CCDC80: variants seen among roughly 807,000 people sequenced by gnomAD.
The protein encoded by CCDC80 is coiled-coil domain-containing protein 80.
In CCDC80, 49 loss-of-function variants were observed where a neutral mutation model predicts 78.7. The observed-to-expected ratio is 0.62, with a 90% CI of 0.50 to 0.79. CCDC80 has a LOEUF of 0.79. Among genes scored for constraint, CCDC80 ranks in the 30% least tolerant of loss-of-function variants. The pLI is 0.00. For missense variants in CCDC80, 1,205 were observed against 1,198.6 expected (o/e 1.01, Z -0.08); for synonymous variants, 488 against 447.0 (o/e 1.09, Z -1.16).
chr3:112,636,502 C>T (rs186992474), intron 2 of CCDC80, among the ~76,000 whole-genome samples: 5 of 152,302 alleles, frequency 3.3e-5, no homozygotes, highest in Admixed American at 3.3e-4. Context: ...TCAATGTAAA[C>T]AGCTAAGAAA....
Position 112,599,917 on chromosome 3 carries a change from T to C in CCDC80, c.*5500A>G, listed in dbSNP as rs2107463568. 1 of 152,344 alleles carries C rather than the reference T, an allele frequency of 6.6e-6. No homozygotes were observed. The highest frequency in any genetic ancestry group is 2.4e-5 in the African/African-American group (1 of 41,586). 9.4% of individuals were successfully genotyped at this position (152,344 alleles called of 1,614,324 possible). The stretch of plus-strand genomic sequence containing the variant: ...GGCAAAGCTATGTCCTCAAGAGTCT[T>C]CCAGATTTCCCCAACTCTACAGAAT... On this transcript the variant is annotated 3_prime_UTR_variant, in exon 8 of 8. Coordinates refer to ENST00000206423, the MANE Select transcript of CCDC80 (RefSeq NM_199511.3).
chr3:112,608,419 C>G (rs965220288), intron 6 of CCDC80, among the ~76,000 whole-genome samples: 2 of 151,976 alleles, frequency 1.3e-5, no homozygotes, highest in African/African-American at 4.8e-5. Context: ...ATTGGTTAGT[C>G]ATGTTTTCAA....
chr3:112,617,738 A>T (rs539571732), intron 4 of CCDC80, among the ~76,000 whole-genome samples: 1 of 152,274 alleles, frequency 6.6e-6, no homozygotes, highest in Non-Finnish European at 1.5e-5. Flanking sequence ...CAAGCATGGT[A>T]TATGAATGAC....
intron 5 of CCDC80, 80 bp from the exon 6 acceptor site, chr3:112,610,161 G>A (rs1401637897): frequency 2.4e-6 from 3 of 1,243,394 alleles, no homozygotes; most frequent in Non-Finnish European, 3.5e-6. Context: ...GAGTGACTTA[G>A]GCTAGCAATT....
At chr3:112,624,432 G>A (rs1048935869) in intron 3 of CCDC80, among the ~76,000 whole-genome samples, 1 of 152,184 alleles carries the variant, frequency 6.6e-6, no homozygotes, top group Non-Finnish European at 1.5e-5. Flanking sequence ...GTGCTGAGCA[G>A]TCCATGGCAG....
chr3:112,639,007 C>T lies in CCDC80; in HGVS notation c.899G>A (p.Gly300Glu), dbSNP rs759686402. 3 of 1,611,200 alleles carry T rather than the reference C, an allele frequency of 1.9e-6. No homozygotes were observed. The highest frequency in any genetic ancestry group is 4.5e-5 in the East Asian group (2 of 44,868). The change falls in exon 2 of 8, where the codon GGA becomes GAA. Residue 300 changes from glycine to glutamate, a missense_variant. Physicochemically the swap from Gly to Glu is moderately conservative, Grantham distance 98. Coordinates refer to ENST00000206423, the MANE Select transcript of CCDC80 (RefSeq NM_199511.3). ...GCTGCCCAGGCTTGGCCTTCCTGCT[C>T]CCCCTCCACCGTCATTCCCCTCCGC... is the stretch of plus-strand genomic sequence containing the variant. ...VVAEGNDGGG[G>E]AGRPSLGSEK...
At chr3:112,629,040 A>C (rs1305300975) in intron 3 of CCDC80, among the ~76,000 whole-genome samples, 3 of 152,202 alleles carry the variant, frequency 2.0e-5, no homozygotes, top group Admixed American at 6.5e-5. Flanking sequence ...ACCATATTCA[A>C]ATCAAGTTGA....
intron 2 of CCDC80, among the ~76,000 whole-genome samples, chr3:112,635,043 G>GA: frequency 6.6e-6 from 1 of 152,298 alleles, no homozygotes; most frequent in East Asian, 1.9e-4. Context: ...CAGGAGGTTT[G>GA]AAAGAGTGAA....
chr3:112,636,265 C>G (rs75772085), intron 2 of CCDC80, among the ~76,000 whole-genome samples: 1 of 152,164 alleles, frequency 6.6e-6, no homozygotes, highest in Non-Finnish European at 1.5e-5. Flanking sequence ...GAGTTTTACT[C>G]TGAAATCTGA....
At chr3:112,615,092 T>C (rs540359390) in intron 5 of CCDC80, among the ~76,000 whole-genome samples, 65 of 152,294 alleles carry the variant, frequency 4.3e-4, no homozygotes, top group African/African-American at 1.5e-3. Flanking sequence ...GGGTGAGAGA[T>C]TTTTGAGGCA....
rs1029154914 is a variant in CCDC80 at position 112,598,075 on chromosome 3, C to T, written c.*7342G>A. 1.3e-5 allele frequency: 2 copies of T among 152,184 alleles called. No homozygotes were observed. Among genetic ancestry groups the T allele is most frequent in the Non-Finnish European group, 2.9e-5 (2 of 68,032 alleles). The allele number at this position is 152,184 out of a possible 1,614,324, so 9.4% of individuals were successfully genotyped here. A position where few individuals can be genotyped will look rare whatever the true frequency, so the allele number is the denominator to read the frequency against. On this transcript the variant is annotated 3_prime_UTR_variant, in exon 8 of 8. Transcript: ENST00000206423. ...CTTTCTTTGCACATATCAAGGCTTT[C>T]GACTATTCCCAACCAGGTCTTCCCA...
rs1936160142 is a variant in CCDC80 at position 112,634,148 on chromosome 3, T to TC, written c.1878+3879_1879-3879insG. Among the ~76,000 whole-genome samples the TC allele has an allele frequency of 2.0e-5, 3 of 151,990 alleles. No individual in the cohort carries two copies. The South Asian group carries it at 6.3e-4, about 32-fold the overall frequency. On this transcript the variant is annotated intron_variant, in intron 2 of 7. Transcript: ENST00000206423. ...AGGCTCAAAATGCTAGATTTTTTTT[T>TC]ACAGGATTCTGAAAAATAACTTTCA... is the stretch of plus-strand genomic sequence containing the variant.
rs762945574 is a variant in CCDC80 at position 112,638,842 on chromosome 3, G to A, written c.1064C>T (p.Pro355Leu). 1.2e-6 allele frequency: 2 copies of A among 1,613,822 alleles called. No homozygotes were observed. The highest frequency in any genetic ancestry group is 1.7e-6 in the Non-Finnish European group (2 of 1,180,020). The change falls in exon 2 of 8, where the codon CCT becomes CTT. Residue 355 changes from proline to leucine, a missense_variant. By Grantham distance (98) the Pro-to-Leu change is moderately conservative. Coordinates refer to ENST00000206423, the MANE Select transcript of CCDC80 (RefSeq NM_199511.3). ...CCGAGTCACTGTTGTGGCTGGGGCA[G>A]GAGGAAGGGTGGTGGCTCTGGGGGT... ...PSTPRATTLP[P>L]APATTVTRST...
In CCDC80 at chr3:112,599,612, A is replaced by G. The variant is rs761050314; in HGVS notation, c.*5805T>C. ...TTTCTACAATCTCCACACATTCAGTACTGAGACACATTAAGAAGGGCCCAC... is the reference window on the plus strand; with the variant it reads ...TTTCTACAATCTCCACACATTCAGTGCTGAGACACATTAAGAAGGGCCCAC... On this transcript the variant is annotated 3_prime_UTR_variant, in exon 8 of 8. Coordinates refer to ENST00000206423, the MANE Select transcript of CCDC80 (RefSeq NM_199511.3). 1.6e-4 allele frequency: 25 copies of G among 152,232 alleles called. No individual in the cohort carries two copies. The highest frequency in any genetic ancestry group is 2.5e-4 in the Non-Finnish European group (17 of 68,082). The allele number at this position is 152,232 out of a possible 1,614,324, so 9.4% of individuals were successfully genotyped here.
intron 4 of CCDC80, 94 bp from the exon 5 acceptor site, chr3:112,616,952 T>C: frequency 7.7e-7 from 1 of 1,301,182 alleles, no homozygotes; most frequent in South Asian, 1.4e-5. Flanking sequence ...AGAGGAGCTC[T>C]GGGGAAATCT....
At chr3:112,633,963 T>C (rs1264128823) in intron 2 of CCDC80, among the ~76,000 whole-genome samples, 2 of 152,186 alleles carry the variant, frequency 1.3e-5, no homozygotes, top group African/African-American at 2.4e-5. Context: ...TAGACCTGTG[T>C]TGTATTTCTT....
At chr3:112,612,436 G>A (rs1935650325) in intron 5 of CCDC80, among the ~76,000 whole-genome samples, 1 of 152,156 alleles carries the variant, frequency 6.6e-6, no homozygotes, top group Admixed American at 6.5e-5. Flanking sequence ...ACACAACTAA[G>A]AGAAGGTCAT....
chr3:112,612,061 T>TA (rs374036624), intron 5 of CCDC80, among the ~76,000 whole-genome samples: 131 of 137,530 alleles, frequency 9.5e-4, no homozygotes, highest in African/African-American at 3.2e-3. Context: ...TTTTTTTTTT[T>TA]AAAAAGGGAA....
Position 112,607,259 on chromosome 3 carries a change from G to C in CCDC80, c.2426-3C>G. The C allele has an allele frequency of 1.2e-6, 2 of 1,606,562 alleles. No individual in the cohort carries two copies. Among genetic ancestry groups the C allele is most frequent in the Non-Finnish European group, 1.7e-6 (2 of 1,177,688 alleles). ...CAGAATGGTTATGTGGCGCAGACCT[G>C]AGAGAAAAAAGAAAACCATAGGATT... On this transcript the variant is annotated splice_region_variant and splice_polypyrimidine_tract_variant and intron_variant, in intron 6 of 7. Transcript: ENST00000206423.
Sources: allele counts gnomAD v4.1 joint callset (sites outside exome capture counted in the v4.1 genomes callset), GRCh38; gene constraint gnomAD v4.1.1; transcripts MANE v1.5; gene names NCBI Gene and HGNC (gene_info 2026-07-23, HGNC 2026-07-21).